The following ADGRL4 variants were observed in gnomAD, a reference collection of about 807,000 sequenced individuals.
The protein encoded by ADGRL4 is EGF, latrophilin and seven transmembrane domain containing 1.
A neutral mutation model predicts 74.8 loss-of-function variants in ADGRL4; 90 were observed. That is an observed-to-expected ratio of 1.20 (90% CI 1.02 to 1.43). The LOEUF is 1.43. ADGRL4 is among the 40% of genes most tolerant of loss of function. The pLI, the probability that ADGRL4 is intolerant of heterozygous loss-of-function variation, is 0.00. For missense variants in ADGRL4, 881 were observed against 814.3 expected (o/e 1.08, Z -1.00); for synonymous variants, 311 against 279.2 (o/e 1.11, Z -1.14).
At position 78,918,062 on chromosome 1, in the gene ADGRL4, A is replaced by AT; in HGVS notation, c.1462-13_1462-12insA. Reference sequence around the variant, plus strand: ...ATTGAACAGAAGAGCTAGAAATCAAAGAAAAAAAAAAAAACATTGTCAGTG... The same window carrying AT: ...ATTGAACAGAAGAGCTAGAAATCAAATGAAAAAAAAAAAAACATTGTCAGTG... On this transcript the variant is annotated splice_polypyrimidine_tract_variant and intron_variant, in intron 10 of 14. Coordinates refer to ENST00000370742, the MANE Select transcript of ADGRL4 (RefSeq NM_022159.4). 4 of 1,561,244 alleles carry AT rather than the reference A, an allele frequency of 2.6e-6. No individual in the cohort carries two copies. The highest frequency in any genetic ancestry group is 3.5e-6 in the Non-Finnish European group (4 of 1,150,294).
intron 2 of ADGRL4, among the ~76,000 whole-genome samples, chr1:78,948,604 CT>C (rs1299716170): frequency 1.3e-5 from 2 of 151,824 alleles, no homozygotes; most frequent in African/African-American, 4.8e-5. Flanking sequence ...AGAGTTAATA[CT>C]TTATTAACAT....
At chr1:78,941,559 C>A (rs1236817028) in intron 3 of ADGRL4, among the ~76,000 whole-genome samples, 1 of 148,274 alleles carries the variant, frequency 6.7e-6, no homozygotes, top group Non-Finnish European at 1.5e-5. Context: ...ATTTCAATCC[C>A]CCCTTTTTTT....
At chr1:78,965,383 G>T (rs1390549972) in intron 2 of ADGRL4, among the ~76,000 whole-genome samples, 1 of 152,058 alleles carries the variant, frequency 6.6e-6, no homozygotes, top group African/African-American at 2.4e-5. Flanking sequence ...TACAAACTTT[G>T]CAGACTAATA....
intron 12 of ADGRL4, among the ~76,000 whole-genome samples, chr1:78,911,278 C>A (rs1648756807): frequency 6.6e-6 from 1 of 151,782 alleles, no homozygotes; most frequent in South Asian, 2.1e-4. Context: ...TTCTGGAGCA[C>A]AAGTCTTTCT....
intron 2 of ADGRL4, among the ~76,000 whole-genome samples, chr1:78,986,862 T>A (rs1329885141): frequency 6.6e-6 from 1 of 151,802 alleles, no homozygotes; most frequent in Non-Finnish European, 1.5e-5. Context: ...AGTAAAAATG[T>A]ATCTTGGATA....
Position 78,891,581 on chromosome 1 carries a change from G to A in ADGRL4, c.1953C>T (p.Val651=). 1 of 1,613,532 alleles carries A rather than the reference G, an allele frequency of 6.2e-7. No individual in the cohort carries two copies. The highest frequency in any genetic ancestry group is 2.2e-5 in the East Asian group (1 of 44,842). Reference sequence around the variant, plus strand: ...TGAACATCCCCTGGAAAGCATTGCTGACTGTGAAGAGGTAAGCTGTAACCA... The same window carrying A: ...TGAACATCCCCTGGAAAGCATTGCTAACTGTGAAGAGGTAAGCTGTAACCA... ...ASVVTAYLFT[V]SNAFQGMFIF... is the part of the protein sequence containing the mutation. The change falls in exon 14 of 15, where the codon GTC becomes GTT. Residue 651 remains valine (V), a synonymous_variant. Coordinates refer to ENST00000370742, the MANE Select transcript of ADGRL4 (RefSeq NM_022159.4).
At chr1:78,993,647 A>T (rs1650655679) in intron 2 of ADGRL4, among the ~76,000 whole-genome samples, 1 of 151,596 alleles carries the variant, frequency 6.6e-6, no homozygotes, top group Non-Finnish European at 1.5e-5. Flanking sequence ...CGGCTCACTG[A>T]AAGCTCCACC....
chr1:78,927,805 G>C lies in ADGRL4; in HGVS notation c.878-714C>G, dbSNP rs545543019. Among the ~76,000 whole-genome samples the C allele has an allele frequency of 4.3e-4, 65 of 152,240 alleles. 1 individual carries two copies. In the South Asian group the frequency reaches 0.013, roughly 30 times the overall value. ...TGAATAAACAGGATTATTTGGATAT[G>C]ACTGTGTGAGCTAGAAGTTGCCAAA... On this transcript the variant is annotated intron_variant, in intron 7 of 14. Coordinates refer to ENST00000370742, the MANE Select transcript of ADGRL4 (RefSeq NM_022159.4).
At chr1:78,952,197 C>T (rs1369517381) in intron 2 of ADGRL4, among the ~76,000 whole-genome samples, 2 of 152,086 alleles carry the variant, frequency 1.3e-5, no homozygotes, top group East Asian at 3.9e-4. Context: ...AGCATCACTC[C>T]TGTACACATT....
chr1:78,957,340 A>G (rs186210965), intron 2 of ADGRL4, among the ~76,000 whole-genome samples: 1 of 152,316 alleles, frequency 6.6e-6, no homozygotes, highest in East Asian at 1.9e-4. Flanking sequence ...AGGCATGTCA[A>G]AAGCTGAGAC....
chr1:78,972,745 A>G (rs1463808561), intron 2 of ADGRL4, among the ~76,000 whole-genome samples: 1 of 152,168 alleles, frequency 6.6e-6, no homozygotes, highest in Non-Finnish European at 1.5e-5. Context: ...CTGTTTTCCA[A>G]TTAGTTTCTC....
intron 14 of ADGRL4, 30 bp downstream of exon 14, chr1:78,891,494 T>G: frequency 1.2e-6 from 2 of 1,600,538 alleles, no homozygotes; most frequent in Non-Finnish European, 1.7e-6. Context: ...ATGAATATAC[T>G]AGGAACCACC....
At chr1:78,997,964 T>C (rs1328135978) in intron 2 of ADGRL4, among the ~76,000 whole-genome samples, 1 of 152,184 alleles carries the variant, frequency 6.6e-6, no homozygotes, top group Admixed American at 6.5e-5. Flanking sequence ...TCCAGGCAGA[T>C]GACCAAGTTT....
At chr1:78,971,092 G>A (rs1416044119) in intron 2 of ADGRL4, among the ~76,000 whole-genome samples, 3 of 151,992 alleles carry the variant, frequency 2.0e-5, no homozygotes, top group Non-Finnish European at 4.4e-5. Context: ...ACTCCAAATG[G>A]TCATGCAGTC....
chr1:78,936,457 A>G, intron 6 of ADGRL4, 46 bp from the exon 7 acceptor site: 1 of 1,440,492 alleles, frequency 6.9e-7, no homozygotes, highest in Non-Finnish European at 9.4e-7. Context: ...TACTTTAATC[A>G]ATATACATCA....
At chr1:78,939,123 A>T in intron 4 of ADGRL4, 65 bp downstream of exon 4, 1 of 1,460,238 alleles carries the variant, frequency 6.8e-7, no homozygotes, top group Non-Finnish European at 9.1e-7. Context: ...AATGTGTGAC[A>T]TTGAAAGCAT....
At chr1:78,966,836 A>C (rs1650066262) in intron 2 of ADGRL4, among the ~76,000 whole-genome samples, 1 of 150,644 alleles carries the variant, frequency 6.6e-6, no homozygotes, top group African/African-American at 2.4e-5. Context: ...GTCAGCAGTT[A>C]ACTTTTAAGC....
intron 6 of ADGRL4, among the ~76,000 whole-genome samples, chr1:78,937,509 A>G (rs1170594300): frequency 6.6e-6 from 1 of 152,198 alleles, no homozygotes; most frequent in Non-Finnish European, 1.5e-5. Context: ...AAGTCATGAG[A>G]TGATGGACTC....
intron 2 of ADGRL4, among the ~76,000 whole-genome samples, chr1:78,953,824 T>C (rs1284022468): frequency 1.3e-5 from 2 of 152,170 alleles, no homozygotes; most frequent in African/African-American, 2.4e-5. Context: ...ATGACTCTCA[T>C]AGGATACATG....
Sources: gnomAD v4.1 joint callset for allele counts (sites outside exome capture counted in the v4.1 genomes callset) on GRCh38, gnomAD v4.1.1 for gene constraint, MANE v1.5 for transcripts, NCBI Gene and HGNC (gene_info 2026-07-23, HGNC 2026-07-21) for gene names.